The following KCNH8 variants were observed in gnomAD, a reference collection of about 807,000 sequenced individuals.
KCNH8 encodes potassium voltage-gated channel subfamily H member 8.
KCNH8 carries 70 observed loss-of-function variants against 103.6 expected under a neutral mutation model. The observed-to-expected ratio is 0.68, with a 90% CI of 0.56 to 0.82. KCNH8 has a LOEUF of 0.82. Ranked by LOEUF, KCNH8 falls within the 40% of genes least tolerant of loss-of-function variation. KCNH8 has a pLI of 0.00. For synonymous variants in KCNH8, 498 were observed against 489.4 expected (o/e 1.02, Z -0.23); for missense variants, 1,217 against 1,329.9 (o/e 0.92, Z 1.32).
At chr3:19,235,106 C>T (rs1355342409) in intron 1 of KCNH8, among the ~76,000 whole-genome samples, 1 of 152,138 alleles carries the variant, frequency 6.6e-6, no homozygotes, top group Non-Finnish European at 1.5e-5. Context: ...GCCATAGGAA[C>T]TTAACTCTTG....
intron 3 of KCNH8, among the ~76,000 whole-genome samples, chr3:19,293,557 T>C (rs2064958724): frequency 6.6e-6 from 1 of 152,206 alleles, no homozygotes; most frequent in East Asian, 1.9e-4. Context: ...CTCACATGCA[T>C]ATCCAAGTTT....
chr3:19,414,316 A>G (rs560674446), intron 7 of KCNH8, among the ~76,000 whole-genome samples: 1 of 152,252 alleles, frequency 6.6e-6, no homozygotes, highest in African/African-American at 2.4e-5. Flanking sequence ...ATATAGTTAT[A>G]ATGGGATTTT....
chr3:19,359,376 T>C (rs2065919886), intron 5 of KCNH8, among the ~76,000 whole-genome samples: 1 of 132,636 alleles, frequency 7.5e-6, no homozygotes, highest in African/African-American at 3.0e-5. Context: ...CATGTGTATA[T>C]ACATAGAGAA....
chr3:19,165,573 TG>T (rs1356699555), intron 1 of KCNH8, among the ~76,000 whole-genome samples: 3 of 152,220 alleles, frequency 2.0e-5, no homozygotes, highest in Admixed American at 6.5e-5. Flanking sequence ...AACAGCCTTT[TG>T]GGTACTTTAT....
At chr3:19,258,947 C>CTCTCTA (rs1321918245) in intron 2 of KCNH8, among the ~76,000 whole-genome samples, 24 of 24,796 alleles carry the variant, frequency 9.7e-4, no homozygotes, top group South Asian at 1.5e-3. Context: ...CTCTCTCTCT[C>CTCTCTA]TATATATATA....
intron 11 of KCNH8, among the ~76,000 whole-genome samples, chr3:19,495,091 G>A (rs1295255043): frequency 6.6e-6 from 1 of 152,030 alleles, no homozygotes; most frequent in Non-Finnish European, 1.5e-5. Context: ...TATAGATTCT[G>A]GATATTAGAC....
intron 7 of KCNH8, among the ~76,000 whole-genome samples, chr3:19,410,536 C>CA (rs2125147476): frequency 6.6e-6 from 1 of 151,882 alleles, no homozygotes; most frequent in Non-Finnish European, 1.5e-5. Flanking sequence ...AAATAAATAA[C>CA]AAAAATCGGA....
At chr3:19,520,779 T>C (rs9853477) in intron 15 of KCNH8, among the ~76,000 whole-genome samples, 45,598 of 151,876 alleles carry the variant, frequency 0.3, 7,203 homozygotes, top group Middle Eastern at 0.35. Context: ...ACACAGACTG[T>C]GGGCCTTTGT....
At chr3:19,171,222 T>C (rs2063345476) in intron 1 of KCNH8, among the ~76,000 whole-genome samples, 1 of 152,192 alleles carries the variant, frequency 6.6e-6, no homozygotes, top group African/African-American at 2.4e-5. Context: ...TTGTGAGCAA[T>C]ATGAGTAATT....
intron 1 of KCNH8, among the ~76,000 whole-genome samples, chr3:19,189,416 G>A (rs1000548554): frequency 2.0e-5 from 3 of 151,862 alleles, no homozygotes; most frequent in African/African-American, 7.2e-5. Context: ...TTATATAGCA[G>A]TTCATATTGT....
At position 19,205,243 on chromosome 3, in the gene KCNH8, C is replaced by A. The variant is rs141957536; in HGVS notation, c.77-48411C>A. ...ATGGCAAAAAAAATGAGAACCTGGC[C>A]CTGATCTTAAGTTATTTATAGTCTA... is the stretch of plus-strand genomic sequence containing the variant. On this transcript the variant is annotated intron_variant, in intron 1 of 15. Transcript: ENST00000328405. 6.6e-5 allele frequency among the ~76,000 whole-genome samples: 10 copies of A among 151,926 alleles called. No individual in the cohort carries two copies. In the East Asian group the frequency reaches 1.9e-3, roughly 29 times the overall value.
intron 5 of KCNH8, among the ~76,000 whole-genome samples, chr3:19,349,933 T>G (rs763978107): frequency 1.3e-5 from 2 of 152,072 alleles, no homozygotes; most frequent in Non-Finnish European, 2.9e-5. Context: ...ATTCCAATTT[T>G]TTTGGTGTTT....
At chr3:19,472,560 C>G (rs577709288) in intron 11 of KCNH8, among the ~76,000 whole-genome samples, 20 of 152,244 alleles carry the variant, frequency 1.3e-4, no homozygotes, top group Non-Finnish European at 1.5e-4. Flanking sequence ...CCTTGCCTTC[C>G]ACCATGATTG....
intron 1 of KCNH8, among the ~76,000 whole-genome samples, chr3:19,223,232 C>T (rs937197047): frequency 1.3e-5 from 2 of 152,106 alleles, no homozygotes; most frequent in Admixed American, 6.5e-5. Flanking sequence ...CAGAGTCACG[C>T]ATTATTCAAC....
At chr3:19,264,514 C>T (rs1048625803) in intron 2 of KCNH8, among the ~76,000 whole-genome samples, 3 of 152,020 alleles carry the variant, frequency 2.0e-5, no homozygotes, top group African/African-American at 7.2e-5. Flanking sequence ...GCTCTGCAGC[C>T]AGAATGATGA....
chr3:19,497,615 G>A (rs2068472144), intron 11 of KCNH8, among the ~76,000 whole-genome samples: 1 of 152,222 alleles, frequency 6.6e-6, no homozygotes, highest in Non-Finnish European at 1.5e-5. Context: ...TGGTTGGTAT[G>A]ATTTCAATTT....
In KCNH8 at chr3:19,285,904, C is replaced by T. The variant is rs537178788; in HGVS notation, c.442+4575C>T. 5.3e-5 allele frequency among the ~76,000 whole-genome samples: 8 copies of T among 152,156 alleles called. No homozygotes were observed. The South Asian group carries it at 6.2e-4, about 12-fold the overall frequency. On this transcript the variant is annotated intron_variant, in intron 3 of 15. Coordinates refer to ENST00000328405, the MANE Select transcript of KCNH8 (RefSeq NM_144633.3). ...TCTCAGACAAGGAAGCAAGATAGAGCGGGTCAGCAAGAGGTAGAGCAGAGT... is the reference window on the plus strand; with the variant it reads ...TCTCAGACAAGGAAGCAAGATAGAGTGGGTCAGCAAGAGGTAGAGCAGAGT...
intron 11 of KCNH8, among the ~76,000 whole-genome samples, chr3:19,507,282 C>T (rs186180353): frequency 3.9e-5 from 6 of 152,292 alleles, no homozygotes; most frequent in African/African-American, 7.2e-5. Flanking sequence ...GTGGCAATGA[C>T]GGAGAGGCTG....
At chr3:19,319,521 T>C (rs558683200) in intron 3 of KCNH8, among the ~76,000 whole-genome samples, 30 of 152,242 alleles carry the variant, frequency 2.0e-4, no homozygotes, top group African/African-American at 7.0e-4. Flanking sequence ...TCCATTGGTC[T>C]ATATGCCTAT....
Sources: gnomAD v4.1 joint callset for allele counts (sites outside exome capture counted in the v4.1 genomes callset) on GRCh38, gnomAD v4.1.1 for gene constraint, MANE v1.5 for transcripts, NCBI Gene and HGNC (gene_info 2026-07-23, HGNC 2026-07-21) for gene names.